The following GABRB1 variants were observed in gnomAD, a reference collection of about 807,000 sequenced individuals.
GABRB1 encodes gamma-aminobutyric acid type A receptor subunit beta1, also known as gamma-aminobutyric acid receptor subunit beta-1.
GABRB1 carries 17 observed loss-of-function variants against 51.6 expected under a neutral mutation model. That is an observed-to-expected ratio of 0.33 (90% confidence interval 0.23 to 0.49). The LOEUF (loss-of-function observed/expected upper bound fraction) is 0.49. Among genes scored for constraint, GABRB1 ranks in the 20% least tolerant of loss-of-function variants. The pLI is 0.99. For synonymous variants in GABRB1, 247 were observed against 218.9 expected, an observed-to-expected ratio of 1.13 and a Z score of -1.14; for missense variants, 410 against 600.6, an observed-to-expected ratio of 0.68 and a Z score of 3.32.
chr4:47,147,107 C>T (rs968588540), intron 3 of GABRB1, among the ~76,000 whole-genome samples: 8 of 151,920 alleles, frequency 5.3e-5, no homozygotes, highest in Non-Finnish European at 1.5e-5. Flanking sequence ...ATAATATAGT[C>T]TAAAAGTAAG....
intron 3 of GABRB1, among the ~76,000 whole-genome samples, chr4:47,089,138 T>C (rs189807220): frequency 7.2e-4 from 110 of 152,280 alleles, no homozygotes; most frequent in African/African-American, 8.7e-4. Flanking sequence ...GAAGAGGAGA[T>C]AGGGGAAAAA....
At chr4:47,172,603 A>G (rs1054817254) in intron 4 of GABRB1, among the ~76,000 whole-genome samples, 1 of 129,666 alleles carries the variant, frequency 7.7e-6, no homozygotes. Context: ...TTGCATTTCT[A>G]TATCTTCTAG....
At chr4:47,241,098 C>A (rs1721501434) in intron 4 of GABRB1, among the ~76,000 whole-genome samples, 1 of 152,010 alleles carries the variant, frequency 6.6e-6, no homozygotes, top group African/African-American at 2.4e-5. Context: ...TGGTACTTTT[C>A]TTTCTGTGTT....
chr4:47,364,234 T>A (rs1578124142), intron 5 of GABRB1, among the ~76,000 whole-genome samples: 1 of 152,146 alleles, frequency 6.6e-6, no homozygotes, highest in Non-Finnish European at 1.5e-5. Context: ...CTCAGTTAAC[T>A]GAGAGGCCAT....
At chr4:47,248,352 G>T (rs1042321395) in intron 4 of GABRB1, among the ~76,000 whole-genome samples, 1 of 151,920 alleles carries the variant, frequency 6.6e-6, no homozygotes, top group Admixed American at 6.6e-5. Context: ...ACCATTCCTG[G>T]ATCCCTGGTA....
chr4:47,147,963 G>A (rs1717249259), intron 3 of GABRB1, among the ~76,000 whole-genome samples: 1 of 152,000 alleles, frequency 6.6e-6, no homozygotes, highest in African/African-American at 2.4e-5. Flanking sequence ...AACCTTGGGA[G>A]CAACATGATC....
intron 5 of GABRB1, among the ~76,000 whole-genome samples, chr4:47,344,337 G>C (rs575739466): frequency 1.3e-5 from 2 of 152,064 alleles, no homozygotes; most frequent in African/African-American, 4.8e-5. Flanking sequence ...AACTGTGTTC[G>C]GGTATAAAAA....
intron 3 of GABRB1, among the ~76,000 whole-genome samples, chr4:47,097,395 T>A (rs1297484208): frequency 6.6e-6 from 1 of 152,122 alleles, no homozygotes; most frequent in Non-Finnish European, 1.5e-5. Context: ...GCCTTTTAGG[T>A]CCTTGCTCCA....
intron 8 of GABRB1, among the ~76,000 whole-genome samples, chr4:47,411,339 A>G (rs1334075182): frequency 6.6e-6 from 1 of 152,228 alleles, no homozygotes; most frequent in Non-Finnish European, 1.5e-5. Flanking sequence ...CTGTTGATAC[A>G]TGCAAAAACT....
At chr4:47,328,696 T>C (rs929386233) in intron 5 of GABRB1, among the ~76,000 whole-genome samples, 1 of 151,570 alleles carries the variant, frequency 6.6e-6, no homozygotes, top group Non-Finnish European at 1.5e-5. Context: ...ATGTTCTCAC[T>C]CATAGGTGGG....
chr4:47,077,652 G>C (rs1202452861), intron 3 of GABRB1, among the ~76,000 whole-genome samples: 1 of 151,342 alleles, frequency 6.6e-6, no homozygotes, highest in Non-Finnish European at 1.5e-5. Flanking sequence ...TGAAGAGTTT[G>C]CCTACGGAAT....
chr4:47,083,441 C>A (rs562365929), intron 3 of GABRB1, among the ~76,000 whole-genome samples: 1 of 152,090 alleles, frequency 6.6e-6, no homozygotes, highest in Non-Finnish European at 1.5e-5. Flanking sequence ...TTTTCATGTC[C>A]AATTTTATGA....
At chr4:47,195,681 T>A (rs1278282679) in intron 4 of GABRB1, among the ~76,000 whole-genome samples, 1 of 152,218 alleles carries the variant, frequency 6.6e-6, no homozygotes, top group Non-Finnish European at 1.5e-5. Context: ...CAATAATGTA[T>A]TGATTTATTC....
intron 3 of GABRB1, among the ~76,000 whole-genome samples, chr4:47,054,457 T>G (rs1726501724): frequency 6.6e-6 from 1 of 152,200 alleles, no homozygotes; most frequent in South Asian, 2.1e-4. Flanking sequence ...CCTTCATGAA[T>G]AGCAGCAGGT....
At chr4:47,248,781 A>G (rs1388101982) in intron 4 of GABRB1, among the ~76,000 whole-genome samples, 1 of 152,008 alleles carries the variant, frequency 6.6e-6, no homozygotes, top group Non-Finnish European at 1.5e-5. Flanking sequence ...TAAGTTTTCT[A>G]GTTTATGTAC....
chr4:47,388,009 A>G (rs1260862538), intron 5 of GABRB1, among the ~76,000 whole-genome samples: 1 of 152,224 alleles, frequency 6.6e-6, no homozygotes, highest in Non-Finnish European at 1.5e-5. Flanking sequence ...CCGTTGCACT[A>G]GAGTCCCATT....
At chr4:47,350,218 T>TATAGAGAGAGAGAG (rs750199965) in intron 5 of GABRB1, among the ~76,000 whole-genome samples, 24 of 56,650 alleles carry the variant, frequency 4.2e-4, no homozygotes, top group African/African-American at 1.8e-3. Context: ...TATATATATA[T>TATAGAGAGAGAGAG]AGAGAGAGAG....
At chr4:47,140,811 A>C (rs1716903802) in intron 3 of GABRB1, among the ~76,000 whole-genome samples, 1 of 150,982 alleles carries the variant, frequency 6.6e-6, no homozygotes, top group Non-Finnish European at 1.5e-5. Flanking sequence ...CTAGCTTATC[A>C]AAAAAAATAG....
intron 3 of GABRB1, among the ~76,000 whole-genome samples, chr4:47,102,768 G>A (rs760580366): frequency 2.6e-4 from 40 of 151,976 alleles, no homozygotes; most frequent in African/African-American, 9.4e-4. Flanking sequence ...TAAAGCATCA[G>A]AGTAGGATAG....
Sources: allele counts gnomAD v4.1 joint callset (sites outside exome capture counted in the v4.1 genomes callset), GRCh38; gene constraint gnomAD v4.1.1; transcripts MANE v1.5; gene names NCBI Gene and HGNC (gene_info 2026-07-23, HGNC 2026-07-21).